The following OR4K13 variants were observed in gnomAD, a reference collection of about 807,000 sequenced individuals.
OR4K13 encodes olfactory receptor family 4 subfamily K member 13, also known as olfactory receptor 4K13.
For missense variants in OR4K13, 403 were observed against 366.0 expected (o/e 1.10, Z -0.82); for synonymous variants, 160 against 134.8 (o/e 1.19, Z -1.30).
In OR4K13 at chr14:20,033,982, G is replaced by A; in HGVS notation, c.777C>T (p.Val259=). The change falls in exon 2 of 2, where the codon GTC becomes GTT. Residue 259 remains valine (V), a synonymous_variant. Transcript: ENST00000641904. ...CTACCGAGTATCTGCTGAAGGGCCA[G>A]ACGTAGATAAAGACACACGGAGCAA... ...LFFAPCVFIY[V]WPFSRYSVDK... 2 of 1,613,988 alleles carry A rather than the reference G, an allele frequency of 1.2e-6. No homozygotes were observed. Among genetic ancestry groups the A allele is most frequent in the South Asian group, 2.2e-5 (2 of 91,070 alleles).
chr14:20,035,409 T>C (rs12589756), intron 1 of OR4K13, among the ~76,000 whole-genome samples: 64,916 of 150,738 alleles, frequency 0.43, 14,436 homozygotes, highest in Non-Finnish European at 0.48. Flanking sequence ...GTATTAGCAG[T>C]AGTCACTACA....
Position 20,030,710 on chromosome 14 carries a change from G to C in OR4K13, c.*3134C>G, listed in dbSNP as rs939951865. On this transcript the variant is annotated 3_prime_UTR_variant, in exon 2 of 2. Transcript: ENST00000641904. ...CAGAACAAACATTTAGCTGGGCAGA[G>C]ACAAGGATAATTCTAAAGTGCACAT... The C allele has an allele frequency of 1.3e-5, 2 of 152,216 alleles. No individual in the cohort carries two copies. The highest frequency in any genetic ancestry group is 2.9e-5 in the Non-Finnish European group (2 of 68,068). The allele number at this position is 152,216 out of a possible 1,614,324, so 9.4% of individuals were successfully genotyped here. A position where few individuals can be genotyped will look rare whatever the true frequency, so the allele number is the denominator to read the frequency against.
rs1877389792 is a variant in OR4K13, at chr14:20,030,466, T to TA, written c.*3377_*3378insT. On this transcript the variant is annotated 3_prime_UTR_variant, in exon 2 of 2. Coordinates refer to ENST00000641904, the MANE Select transcript of OR4K13 (RefSeq NM_001004714.2). Reference sequence around the variant, plus strand: ...GTACTTGAAAAATGAAACAAAAAGCTTAATATTTGTACTATGAATTGATTG... The same window carrying TA: ...GTACTTGAAAAATGAAACAAAAAGCTATAATATTTGTACTATGAATTGATTG... The TA allele has an allele frequency of 3.3e-5, 5 of 152,208 alleles. No homozygotes were observed. The highest frequency in any genetic ancestry group is 9.6e-5 in the African/African-American group (4 of 41,456). 9.4% of individuals were successfully genotyped at this position (152,208 alleles called of 1,614,324 possible).
Position 20,034,841 on chromosome 14 carries a change from G to A in OR4K13, c.-83C>T. ...ATGCATATTGGAAAGAAATGTTCAT[G>A]TTGATGTCCACATTTGGTACTCAGT... On this transcript the variant is annotated 5_prime_UTR_variant, in exon 2 of 2. Coordinates refer to ENST00000641904, the MANE Select transcript of OR4K13 (RefSeq NM_001004714.2). 2 of 1,149,508 alleles carry A rather than the reference G, an allele frequency of 1.7e-6. No homozygotes were observed. The highest frequency in any genetic ancestry group is 1.5e-5 in the South Asian group (1 of 64,728). The allele number at this position is 1,149,508 out of a possible 1,614,324, so 71.2% of individuals were successfully genotyped here.
chr14:20,034,409 GCT>G lies in OR4K13; in HGVS notation c.348_349del (p.Ala117HisfsTer41), dbSNP rs1268421251. Reference sequence around the variant, plus strand: ...GGCAACATACCTGTCTATTGCCATGGCTACAAGCAACATCATCTCACTCCCAC... The same window carrying G: ...GGCAACATACCTGTCTATTGCCATGGACAAGCAACATCATCTCACTCCCAC... On this transcript the variant is annotated frameshift_variant, in exon 2 of 2. Transcript: ENST00000641904. LOFTEE classifies it low-confidence loss of function (END_TRUNC). 1.9e-6 allele frequency: 3 copies of G among 1,613,836 alleles called. No homozygotes were observed. The South Asian group carries it at 3.3e-5, about 18-fold the overall frequency.
In OR4K13 at chr14:20,030,092, T is replaced by C. The variant is rs188803569; in HGVS notation, c.*3752A>G. 1 of 151,980 alleles carries C rather than the reference T, an allele frequency of 6.6e-6. No individual in the cohort carries two copies. Among genetic ancestry groups the C allele is most frequent in the Admixed American group, 6.6e-5 (1 of 15,266 alleles). 9.4% of individuals were successfully genotyped at this position (151,980 alleles called of 1,614,324 possible). On this transcript the variant is annotated 3_prime_UTR_variant, in exon 2 of 2. Transcript: ENST00000641904. ...ATATGACAATCTTGAAAAAGCAAAC[T>C]CTAAGAGCACAGTCAGATGGCTACT...
rs1877408981 is a variant in OR4K13 at position 20,031,139 on chromosome 14, G to A, written c.*2705C>T. On this transcript the variant is annotated 3_prime_UTR_variant, in exon 2 of 2. Coordinates refer to ENST00000641904, the MANE Select transcript of OR4K13 (RefSeq NM_001004714.2). ...GGAAAACAGGTGCTACCCCTTAACTGGGGTTTAGAACTGTGTGCCTCGGCT... is the reference window on the plus strand; with the variant it reads ...GGAAAACAGGTGCTACCCCTTAACTAGGGTTTAGAACTGTGTGCCTCGGCT... 1 of 152,242 alleles carries A rather than the reference G, an allele frequency of 6.6e-6. No individual in the cohort carries two copies. Among genetic ancestry groups the A allele is most frequent in the South Asian group, 2.1e-4 (1 of 4,834 alleles). 9.4% of individuals were successfully genotyped at this position (152,242 alleles called of 1,614,324 possible). A position where few individuals can be genotyped will look rare whatever the true frequency, so the allele number is the denominator to read the frequency against.
rs771693463 is a variant in OR4K13 at position 20,033,861 on chromosome 14, T to C, written c.898A>G (p.Lys300Glu). The C allele has an allele frequency of 9.3e-6, 14 of 1,503,136 alleles. No homozygotes were observed. The highest frequency in any genetic ancestry group is 1.8e-4 in the Middle Eastern group (1 of 5,478). 93.1% of individuals were successfully genotyped at this position (1,503,136 alleles called of 1,614,324 possible). The change falls in exon 2 of 2, where the codon AAA becomes GAA. Residue 300 changes from lysine (K) to glutamate (E), a missense_variant. Coordinates refer to ENST00000641904, the MANE Select transcript of OR4K13 (RefSeq NM_001004714.2). ...RNQEVKAAIK[K>E]RLCI is the part of the protein sequence containing the mutation. The stretch of plus-strand genomic sequence containing the variant: ...CTTTAAATTTATATGCAGAGTCTTT[T>C]TTTAATGGCTGCTTTTACCTCTTGA...
rs1336029305 is a variant in OR4K13 at position 20,033,649 on chromosome 14, AT to A, written c.*194del. On this transcript the variant is annotated 3_prime_UTR_variant, in exon 2 of 2. Transcript: ENST00000641904. ...ACAATTACATCTACTATTTCCTCATATGGAACTTGAACTGTTAGCTGGTACA... is the reference window on the plus strand; with the variant it reads ...ACAATTACATCTACTATTTCCTCATAGGAACTTGAACTGTTAGCTGGTACA... The A allele has an allele frequency of 1.4e-5, 6 of 438,466 alleles. No individual in the cohort carries two copies. Among genetic ancestry groups the A allele is most frequent in the African/African-American group, 1.2e-4 (6 of 50,120 alleles). The allele number at this position is 438,466 out of a possible 1,614,324, so 27.2% of individuals were successfully genotyped here.
chr14:20,031,530 G>C lies in OR4K13; in HGVS notation c.*2314C>G, dbSNP rs1410271149. 6.6e-6 allele frequency: 1 copy of C among 152,126 alleles called. No individual in the cohort carries two copies. The highest frequency in any genetic ancestry group is 2.4e-5 in the African/African-American group (1 of 41,412). 9.4% of individuals were successfully genotyped at this position (152,126 alleles called of 1,614,324 possible). On this transcript the variant is annotated 3_prime_UTR_variant, in exon 2 of 2. Transcript: ENST00000641904. ...CTGGCATAAGAAATACATAATAGTA[G>C]TTGGTAGCTTTTTTCTTGACATAAG...
chr14:20,033,973 G>A lies in OR4K13; in HGVS notation c.786C>T (p.Phe262=), dbSNP rs1256486585. Residue 262 remains phenylalanine, a synonymous_variant, in exon 2 of 2, where the codon TTC becomes TTT. Transcript: ENST00000641904. ...GAATTTTATCTACCGAGTATCTGCT[G>A]AAGGGCCAGACGTAGATAAAGACAC... ...APCVFIYVWP[F]SRYSVDKILS... is the part of the protein sequence containing the mutation. The A allele has an allele frequency of 1.2e-6, 2 of 1,613,596 alleles. No homozygotes were observed. Among genetic ancestry groups the A allele is most frequent in the Non-Finnish European group, 1.7e-6 (2 of 1,179,688 alleles).
In OR4K13 at chr14:20,034,600, C is replaced by T. The variant is rs755877670; in HGVS notation, c.159G>A (p.Ser53=). The T allele has an allele frequency of 2.6e-5, 42 of 1,613,466 alleles. No individual in the cohort carries two copies. Among genetic ancestry groups the T allele is most frequent in the South Asian group, 2.2e-4 (20 of 91,000 alleles). Residue 53 remains serine (S), a synonymous_variant, in exon 2 of 2, where the codon TCG becomes TCA. Coordinates refer to ENST00000641904, the MANE Select transcript of OR4K13 (RefSeq NM_001004714.2). ...LLILVTVTFD[S]LLHTPMYFLL... The stretch of plus-strand genomic sequence containing the variant: ...GAAAATACATTGGTGTGTGAAGGAG[C>T]GAATCAAAGGTCACAGTCACCAAGA...
Position 20,033,967 on chromosome 14 carries a change from T to G in OR4K13, c.792A>C (p.Arg264Ser), listed in dbSNP as rs768374982. Residue 264 changes from arginine (R) to serine (S), a missense_variant, in exon 2 of 2, where the codon AGA becomes AGC. Arg to Ser is a moderately radical substitution (Grantham distance 110, BLOSUM62 -1). Transcript: ENST00000641904. ...CAGAAAGAATTTTATCTACCGAGTA[T>G]CTGCTGAAGGGCCAGACGTAGATAA... The part of the protein sequence containing the change: ...CVFIYVWPFS[R>S]YSVDKILSVF... 5.6e-6 allele frequency: 9 copies of G among 1,613,382 alleles called. No individual in the cohort carries two copies. Among genetic ancestry groups the G allele is most frequent in the Non-Finnish European group, 6.8e-6 (8 of 1,179,494 alleles).
rs768374982 is a variant in OR4K13, at chr14:20,033,967, T to C, written c.792A>G (p.Arg264=). ...CVFIYVWPFS[R]YSVDKILSVF... Reference sequence around the variant, plus strand: ...CAGAAAGAATTTTATCTACCGAGTATCTGCTGAAGGGCCAGACGTAGATAA... The same window carrying C: ...CAGAAAGAATTTTATCTACCGAGTACCTGCTGAAGGGCCAGACGTAGATAA... The change falls in exon 2 of 2, where the codon AGA becomes AGG. Residue 264 remains arginine, a synonymous_variant. Transcript: ENST00000641904. 35 of 1,613,382 alleles carry C rather than the reference T, an allele frequency of 2.2e-5. No homozygotes were observed. The highest frequency in any genetic ancestry group is 2.6e-5 in the Non-Finnish European group (31 of 1,179,494).
chr14:20,033,615 T>C lies in OR4K13; in HGVS notation c.*229A>G. 3.0e-6 allele frequency: 1 copy of C among 337,368 alleles called. No individual in the cohort carries two copies. Among genetic ancestry groups the C allele is most frequent in the Non-Finnish European group, 5.4e-6 (1 of 183,864 alleles). The allele number at this position is 337,368 out of a possible 1,614,324, so 20.9% of individuals were successfully genotyped here. A position where few individuals can be genotyped will look rare whatever the true frequency, so the allele number is the denominator to read the frequency against. Reference sequence around the variant, plus strand: ...CCATAAAAGATCACAAAAAGGTGTTTGCTTTTTAACAATTACATCTACTAT... The same window carrying C: ...CCATAAAAGATCACAAAAAGGTGTTCGCTTTTTAACAATTACATCTACTAT... On this transcript the variant is annotated 3_prime_UTR_variant, in exon 2 of 2. Coordinates refer to ENST00000641904, the MANE Select transcript of OR4K13 (RefSeq NM_001004714.2).
rs964490745 is a variant in OR4K13 at position 20,033,792 on chromosome 14, C to T, written c.*52G>A. The T allele has an allele frequency of 4.3e-5, 43 of 999,052 alleles. No homozygotes were observed. In the Admixed American group the frequency reaches 9.6e-4, roughly 22 times the overall value. 61.9% of individuals were successfully genotyped at this position (999,052 alleles called of 1,614,324 possible). On this transcript the variant is annotated 3_prime_UTR_variant, in exon 2 of 2. Coordinates refer to ENST00000641904, the MANE Select transcript of OR4K13 (RefSeq NM_001004714.2). ...AAAACGAGTTTCTTAAATGTTCAAA[C>T]AAACAAGAGAGTGTCTCTTCAAAAG... is the stretch of plus-strand genomic sequence containing the variant.
intron 1 of OR4K13, chr14:20,035,568 ATGTGT>A (rs1877548713): frequency 6.6e-6 from 1 of 151,860 alleles, no homozygotes; most frequent in Non-Finnish European, 1.5e-5. Context: ...TGGTTAGACA[ATGTGT>A]ACAAACAACC....
At position 20,034,339 on chromosome 14, in the gene OR4K13, C is replaced by T. The variant is rs1219317158; in HGVS notation, c.420G>A (p.Val140=). The T allele has an allele frequency of 2.5e-6, 4 of 1,613,934 alleles. No individual in the cohort carries two copies. The Admixed American group carries it at 6.7e-5, about 27-fold the overall frequency. Reference sequence around the variant, plus strand: ...AGGAGGATAACAGTAGCCCAGTGAGCACCCGTGGGCTCATGATGGTCATGT... The same window carrying T: ...AGGAGGATAACAGTAGCCCAGTGAGTACCCGTGGGCTCATGATGGTCATGT... ...LHYMTIMSPR[V]LTGLLLSSYA... is the part of the protein sequence containing the mutation. Residue 140 remains valine, a synonymous_variant, in exon 2 of 2, where the codon GTG becomes GTA. Coordinates refer to ENST00000641904, the MANE Select transcript of OR4K13 (RefSeq NM_001004714.2).
Position 20,034,141 on chromosome 14 carries a change from C to T in OR4K13, c.618G>A (p.Leu206=), listed in dbSNP as rs2138674010. The T allele has an allele frequency of 6.2e-7, 1 of 1,614,060 alleles. No individual in the cohort carries two copies. The change falls in exon 2 of 2, where the codon CTG becomes CTA. Residue 206 remains leucine, a synonymous_variant. Coordinates refer to ENST00000641904, the MANE Select transcript of OR4K13 (RefSeq NM_001004714.2). ...GCAAGAGGAGGAAGCAGACCAGTGA[C>T]AGGAGCCCACTGTCAGCAATGACCA... ...QLLVIADSGL[L]SLVCFLLLLV...
Sources: gnomAD v4.1 joint callset for allele counts (sites outside exome capture counted in the v4.1 genomes callset) on GRCh38, gnomAD v4.1.1 for gene constraint, MANE v1.5 for transcripts, NCBI Gene and HGNC (gene_info 2026-07-23, HGNC 2026-07-21) for gene names.